EFL1: variants seen among roughly 807,000 people sequenced by gnomAD.
EFL1 encodes elongation factor like GTPase 1, also known as elongation factor-like GTPase 1.
In EFL1, 76 loss-of-function variants were observed where a neutral mutation model predicts 126.7. The observed-to-expected ratio is 0.60, with a 90% CI of 0.50 to 0.73. The LOEUF (loss-of-function observed/expected upper bound fraction) is 0.73, where lower values mean the gene tolerates loss of function less well. Among genes scored for constraint, EFL1 ranks in the 30% least tolerant of loss-of-function variants. EFL1 has a pLI of 0.00. For synonymous variants in EFL1, 410 were observed against 448.4 expected, an observed-to-expected ratio of 0.91 and a Z score of 1.08; for missense variants, 1,128 against 1,343.2, an observed-to-expected ratio of 0.84 and a Z score of 2.50.
chr15:82,233,109 C>A (rs897199847), intron 7 of EFL1, among the ~76,000 whole-genome samples: 2 of 152,068 alleles, frequency 1.3e-5, no homozygotes, highest in African/African-American at 4.8e-5. Flanking sequence ...CTCTTCTAGT[C>A]CACCATATTA....
At chr15:82,191,864 A>G (rs568977887) in intron 15 of EFL1, among the ~76,000 whole-genome samples, 1 of 152,340 alleles carries the variant, frequency 6.6e-6, no homozygotes, top group Middle Eastern at 3.4e-3. Flanking sequence ...GACTGAGTTA[A>G]AATCTCTGGC....
At chr15:82,230,805 C>A in intron 8 of EFL1, 43 bp downstream of exon 8, 1 of 1,564,048 alleles carries the variant, frequency 6.4e-7, no homozygotes, top group Non-Finnish European at 8.6e-7. Context: ...TTTCATAGGG[C>A]AAGAATATGA....
chr15:82,130,562 C>T lies in EFL1; in HGVS notation c.3175-1G>A. On this transcript the variant is annotated splice_acceptor_variant, in intron 19 of 19. Coordinates refer to ENST00000268206, the MANE Select transcript of EFL1 (RefSeq NM_024580.6). LOFTEE classifies it high-confidence loss of function. Reference sequence around the variant, plus strand: ...CCCAGAAGGGGTCACTGGGAATGATCTTGTAAAAGAAGATGACAGAATGTG... The same window carrying T: ...CCCAGAAGGGGTCACTGGGAATGATTTTGTAAAAGAAGATGACAGAATGTG... 2 of 1,613,242 alleles carry T rather than the reference C, an allele frequency of 1.2e-6. No homozygotes were observed.
In EFL1 at chr15:82,185,529, TAAAC is replaced by T. The variant is rs199500614; in HGVS notation, c.1751-21549_1751-21546del. ...TTTACTTTTATGGCAAAAAATCAAATAAACAAAGTTAAAAAGCAAGTCAAAAATG... is the reference window on the plus strand; with the variant it reads ...TTTACTTTTATGGCAAAAAATCAAATAAAGTTAAAAAGCAAGTCAAAAATG... On this transcript the variant is annotated intron_variant, in intron 15 of 19. Transcript: ENST00000268206. Among the ~76,000 whole-genome samples, 1,052 of 152,060 alleles carry T rather than the reference TAAAC, an allele frequency of 6.9e-3. 12 individuals are homozygous for T. The highest frequency in any genetic ancestry group is 0.023 in the African/African-American group (955 of 41,498).
chr15:82,137,722 G>T (rs910474885), intron 19 of EFL1, among the ~76,000 whole-genome samples: 3 of 152,210 alleles, frequency 2.0e-5, no homozygotes, highest in African/African-American at 7.2e-5. Context: ...AACAAAAACT[G>T]CTTTCTTAAA....
chr15:82,179,339 G>T (rs568495975), intron 15 of EFL1, among the ~76,000 whole-genome samples: 1 of 152,188 alleles, frequency 6.6e-6, no homozygotes, highest in African/African-American at 2.4e-5. Flanking sequence ...TAGTTAACAT[G>T]AATTTTTTTT....
rs372867414 is a variant in EFL1, at chr15:82,151,540, C to T, written c.2914G>A (p.Ala972Thr). ...AGGCGCTGAGGTTTCACTTGCAGTG[C>T]ATAGCGACATGCTTCTTTCATGGTG... ...IATMKEACRYALQVKPQRLMA... is the reference protein window; with the variant it reads ...IATMKEACRYTLQVKPQRLMA... Residue 972 changes from alanine (A) to threonine (T), a missense_variant, in exon 18 of 20, where the codon GCA becomes ACA. Physicochemically the swap from Ala to Thr is moderately conservative, Grantham distance 58. Around this residue, in one of 6 missense-constraint regions of EFL1, gnomAD observed 561 missense variants for 641.7 expected, o/e 0.87. Coordinates refer to ENST00000268206, the MANE Select transcript of EFL1 (RefSeq NM_024580.6). 1.2e-5 allele frequency: 19 copies of T among 1,614,128 alleles called. No homozygotes were observed. The highest frequency in any genetic ancestry group is 1.6e-5 in the Non-Finnish European group (19 of 1,180,024).
At chr15:82,222,550 C>T (rs188402820) in intron 12 of EFL1, among the ~76,000 whole-genome samples, 1 of 152,318 alleles carries the variant, frequency 6.6e-6, no homozygotes, top group Admixed American at 6.5e-5. Context: ...ATTAAGTAAG[C>T]ATCAACTGTA....
chr15:82,183,091 G>A (rs1056057675), intron 15 of EFL1, among the ~76,000 whole-genome samples: 22 of 152,164 alleles, frequency 1.4e-4, no homozygotes, highest in African/African-American at 4.6e-4. Flanking sequence ...ACCTGATACC[G>A]AGGTTTGCTG....
chr15:82,241,710 C>G (rs1175313564), intron 4 of EFL1, among the ~76,000 whole-genome samples: 2 of 152,242 alleles, frequency 1.3e-5, no homozygotes, highest in Non-Finnish European at 2.9e-5. Flanking sequence ...TGAATCCTTA[C>G]AATATCCCTA....
At chr15:82,228,811 G>A (rs988454056) in intron 9 of EFL1, among the ~76,000 whole-genome samples, 2 of 152,060 alleles carry the variant, frequency 1.3e-5, no homozygotes, top group Non-Finnish European at 2.9e-5. Context: ...CTTCTCCTCA[G>A]CACTCTATAA....
chr15:82,145,604 G>C (rs2073836284), intron 18 of EFL1, among the ~76,000 whole-genome samples: 1 of 151,908 alleles, frequency 6.6e-6, no homozygotes, highest in African/African-American at 2.4e-5. Context: ...GGCCGAGCTG[G>C]GTGGATTACC....
intron 3 of EFL1, among the ~76,000 whole-genome samples, chr15:82,257,239 T>C (rs566992853): frequency 1.3e-5 from 2 of 152,358 alleles, no homozygotes; most frequent in African/African-American, 2.4e-5. Flanking sequence ...TTAAGTTTAC[T>C]GGCACAGAGT....
chr15:82,224,095 TTAGAGA>T (rs1305748459), intron 12 of EFL1, among the ~76,000 whole-genome samples: 4 of 152,154 alleles, frequency 2.6e-5, no homozygotes, highest in Admixed American at 2.6e-4. Context: ...CACTAGTATA[TTAGAGA>T]AACAGAAATA....
At chr15:82,159,949 A>T (rs2074005693) in intron 16 of EFL1, 1 of 152,330 alleles carries the variant, frequency 6.6e-6, no homozygotes, top group East Asian at 1.9e-4. Context: ...TGGCTATATC[A>T]CAAAGTGTTC....
intron 17 of EFL1, among the ~76,000 whole-genome samples, chr15:82,155,225 G>C (rs909835597): frequency 6.6e-6 from 1 of 152,168 alleles, no homozygotes; most frequent in Non-Finnish European, 1.5e-5. Context: ...CATGAGGCCA[G>C]GTATGGTGGC....
chr15:82,181,273 T>C (rs750524026), intron 15 of EFL1, among the ~76,000 whole-genome samples: 3 of 152,198 alleles, frequency 2.0e-5, no homozygotes, highest in South Asian at 2.1e-4. Context: ...ACCAATAAGA[T>C]TGAAGTTAAT....
chr15:82,164,883 C>G (rs7165488), intron 15 of EFL1, among the ~76,000 whole-genome samples: 1,561 of 138,824 alleles, frequency 0.011, 27 homozygotes, highest in African/African-American at 0.04. Flanking sequence ...GGCGACAGAG[C>G]GAGATTCCAC....
chr15:82,160,401 T>C (rs1195859111), intron 16 of EFL1, among the ~76,000 whole-genome samples: 2 of 152,186 alleles, frequency 1.3e-5, no homozygotes, highest in African/African-American at 4.8e-5. Flanking sequence ...ATAAGTGTTG[T>C]TTCAAGCCAC....
Sources: allele counts gnomAD v4.1 joint callset (sites outside exome capture counted in the v4.1 genomes callset), GRCh38; gene constraint gnomAD v4.1.1; regional missense constraint gnomAD v4.1.1; transcripts MANE v1.5; gene names NCBI Gene and HGNC (gene_info 2026-07-23, HGNC 2026-07-21).